MAP4K3: variants seen among roughly 807,000 people sequenced by gnomAD.
MAP4K3 encodes mitogen-activated protein kinase kinase kinase kinase 3.
In MAP4K3, 94 loss-of-function variants were observed where a neutral mutation model predicts 143.5. That is an observed-to-expected ratio of 0.65 (90% CI 0.55 to 0.78). The LOEUF is 0.78. MAP4K3 is among the 30% of genes least tolerant of loss of function. The pLI is 0.00. For missense variants in MAP4K3, 1,077 were observed against 1,068.1 expected, an observed-to-expected ratio of 1.01 and a Z score of -0.12; for synonymous variants, 416 against 347.2, an observed-to-expected ratio of 1.20 and a Z score of -2.20.
intron 1 of MAP4K3, among the ~76,000 whole-genome samples, chr2:39,395,328 T>C (rs1404636773): frequency 6.7e-6 from 1 of 149,690 alleles, no homozygotes; most frequent in African/African-American, 2.5e-5. Flanking sequence ...CACGTACACA[T>C]ACACACACAC....
In MAP4K3 at chr2:39,250,609, C is replaced by T; in HGVS notation, c.*9G>A. 6.2e-7 allele frequency: 1 copy of T among 1,612,090 alleles called. No individual in the cohort carries two copies. The highest frequency in any genetic ancestry group is 8.5e-7 in the Non-Finnish European group (1 of 1,178,430). On this transcript the variant is annotated 3_prime_UTR_variant, in exon 34 of 34. Transcript: ENST00000263881. ...CTTTCTAGAGTTAACTGTCAAAGCA[C>T]AACAATTCTCAGTAACTGTTTTCAT...
At chr2:39,430,722 T>C (rs773280311) in intron 1 of MAP4K3, among the ~76,000 whole-genome samples, 1 of 152,186 alleles carries the variant, frequency 6.6e-6, no homozygotes, top group Non-Finnish European at 1.5e-5. Context: ...ACGGAGTATC[T>C]TCATATGCAT....
chr2:39,314,418 C>T (rs1683046057), intron 13 of MAP4K3, among the ~76,000 whole-genome samples: 1 of 152,134 alleles, frequency 6.6e-6, no homozygotes, highest in Non-Finnish European at 1.5e-5. Flanking sequence ...CTCTCACATG[C>T]TAAGGATGCC....
intron 19 of MAP4K3, 42 bp from the exon 20 acceptor site, chr2:39,288,322 ATTATTTTCC>A: frequency 6.4e-7 from 1 of 1,571,334 alleles, no homozygotes; most frequent in East Asian, 2.2e-5. Context: ...GAAACATCAA[ATTATTTTCC>A]TGAAGTAAGT....
At chr2:39,292,265 G>A (rs1426316125) in intron 18 of MAP4K3, among the ~76,000 whole-genome samples, 3 of 152,158 alleles carry the variant, frequency 2.0e-5, no homozygotes, top group Non-Finnish European at 2.9e-5. Flanking sequence ...GGACTGAAAT[G>A]TGTCACTATA....
intron 26 of MAP4K3, among the ~76,000 whole-genome samples, chr2:39,270,229 A>G (rs1378146598): frequency 3.9e-5 from 6 of 152,232 alleles, no homozygotes; most frequent in African/African-American, 1.2e-4. Context: ...TAAGGATTTC[A>G]AAAACTTTTC....
chr2:39,301,919 G>C (rs1453986340), intron 15 of MAP4K3, among the ~76,000 whole-genome samples: 2 of 152,060 alleles, frequency 1.3e-5, no homozygotes, highest in Non-Finnish European at 2.9e-5. Flanking sequence ...AGCTACTCGG[G>C]AGGCTGAGGC....
chr2:39,436,819 AGG>A (rs899694183), intron 1 of MAP4K3, 71 bp downstream of exon 1: 1 of 1,336,310 alleles, frequency 7.5e-7, no homozygotes, highest in Non-Finnish European at 1.1e-6. Flanking sequence ...ACAGGCGGCA[AGG>A]GCTCGGACGC....
intron 8 of MAP4K3, among the ~76,000 whole-genome samples, chr2:39,329,996 T>C (rs894882781): frequency 6.6e-6 from 1 of 152,146 alleles, no homozygotes; most frequent in Non-Finnish European, 1.5e-5. Context: ...AAGATTTTTT[T>C]GTTCTTAGAG....
chr2:39,298,231 C>T (rs1390806852), intron 16 of MAP4K3, among the ~76,000 whole-genome samples: 2 of 151,900 alleles, frequency 1.3e-5, no homozygotes, highest in South Asian at 2.1e-4. Context: ...TTGTTTTTCA[C>T]CAACAAACTA....
chr2:39,337,578 G>C lies in MAP4K3; in HGVS notation c.314C>G (p.Thr105Ser). The C allele has an allele frequency of 6.2e-7, 1 of 1,607,376 alleles. No homozygotes were observed. Among genetic ancestry groups the C allele is most frequent in the Non-Finnish European group, 8.5e-7 (1 of 1,174,440 alleles). Residue 105 changes from threonine (T) to serine (S), a missense_variant, in exon 5 of 34, where the codon ACT becomes AGT. Thr to Ser is a moderately conservative substitution (Grantham distance 58, BLOSUM62 1). Around this residue, in one of 2 missense-constraint regions of MAP4K3, gnomAD observed 213 missense variants for 266.8 expected, o/e 0.80. Transcript: ENST00000263881. ...AATTTGCAGTTCTGACAGAGGTCCAGTTACTGTAAAAGAAGACAATTAATA... is the reference window on the plus strand; with the variant it reads ...AATTTGCAGTTCTGACAGAGGTCCACTTACTGTAAAAGAAGACAATTAATA... ...GGSLQDIYHV[T>S]GPLSELQIAY...
chr2:39,353,593 A>G (rs980682197), intron 3 of MAP4K3, among the ~76,000 whole-genome samples: 5 of 152,212 alleles, frequency 3.3e-5, no homozygotes, highest in African/African-American at 1.2e-4. Context: ...AAAATAAAAA[A>G]CTTAGATGTT....
intron 3 of MAP4K3, among the ~76,000 whole-genome samples, chr2:39,355,893 A>C (rs1437237567): frequency 6.6e-6 from 1 of 152,232 alleles, no homozygotes; most frequent in African/African-American, 2.4e-5. Context: ...AAAGTTTTTG[A>C]TAAACACATA....
At chr2:39,336,803 T>G (rs1664981851) in intron 6 of MAP4K3, 117 bp downstream of exon 6, 1 of 445,834 alleles carries the variant, frequency 2.2e-6, no homozygotes, top group Non-Finnish European at 4.0e-6. Flanking sequence ...ATCACTCATT[T>G]TTATTATGGT....
Position 39,413,081 on chromosome 2 carries a change from T to C in MAP4K3, c.96+23811A>G, listed in dbSNP as rs75324639. On this transcript the variant is annotated intron_variant, in intron 1 of 33. Coordinates refer to ENST00000263881, the MANE Select transcript of MAP4K3 (RefSeq NM_003618.4). Reference sequence around the variant, plus strand: ...AAAGGATTATAAAATGTCAAGCTTTTTGTCTTAGAAATGAGCAGAAAGTAC... The same window carrying C: ...AAAGGATTATAAAATGTCAAGCTTTCTGTCTTAGAAATGAGCAGAAAGTAC... Among the ~76,000 whole-genome samples the C allele has an allele frequency of 1.7e-3, 264 of 152,350 alleles. 6 individuals carry two copies. In the East Asian group the frequency reaches 0.025, roughly 14 times the overall value.
chr2:39,273,191 T>G (rs781124194), intron 24 of MAP4K3, among the ~76,000 whole-genome samples: 1 of 152,028 alleles, frequency 6.6e-6, no homozygotes, highest in African/African-American at 2.4e-5. Flanking sequence ...ATCTATATAT[T>G]TAAAAAAAAA....
chr2:39,302,873 G>C (rs1682561889), intron 15 of MAP4K3, among the ~76,000 whole-genome samples: 1 of 152,182 alleles, frequency 6.6e-6, no homozygotes, highest in South Asian at 2.1e-4. Context: ...GGGTTGCAAA[G>C]TCCTAATTTC....
chr2:39,252,392 T>C (rs930028943), intron 32 of MAP4K3, among the ~76,000 whole-genome samples: 3 of 152,254 alleles, frequency 2.0e-5, no homozygotes, highest in Non-Finnish European at 2.9e-5. Flanking sequence ...CAAGATGGGA[T>C]AGAAAAGATC....
Position 39,309,477 on chromosome 2 carries a change from T to C in MAP4K3, c.1040A>G (p.Glu347Gly). ...KFDPPLRKETEPHHELPDSDG... is the reference protein window; with the variant it reads ...KFDPPLRKETGPHHELPDSDG... ...ACTACTTACAAGTTCATGATGTGGT[T>C]CTGTCTCCTTTCTTAAGGGTGGATC... is the stretch of plus-strand genomic sequence containing the variant. Residue 347 changes from glutamate (E) to glycine (G), a missense_variant, in exon 14 of 34, where the codon GAA becomes GGA. Physicochemically the swap from Glu to Gly is moderately conservative, Grantham distance 98. Transcript: ENST00000263881. 2.5e-6 allele frequency: 4 copies of C among 1,595,230 alleles called. No individual in the cohort carries two copies. The highest frequency in any genetic ancestry group is 3.4e-6 in the Non-Finnish European group (4 of 1,172,914).
Sources: gnomAD v4.1 joint callset for allele counts (sites outside exome capture counted in the v4.1 genomes callset) on GRCh38, gnomAD v4.1.1 for gene constraint, gnomAD v4.1.1 regional missense constraint, MANE v1.5 for transcripts, NCBI Gene and HGNC (gene_info 2026-07-23, HGNC 2026-07-21) for gene names.